PTPRT: variants seen among roughly 807,000 people sequenced by gnomAD.
PTPRT encodes receptor-type tyrosine-protein phosphatase T.
PTPRT carries 56 observed loss-of-function variants against 176.8 expected under a neutral mutation model. That is an observed-to-expected ratio of 0.32 (90% CI 0.26 to 0.40). The LOEUF is 0.40. PTPRT is among the 10% of genes least tolerant of loss of function. The probability of loss-of-function intolerance (pLI) is 1.00; values close to 1 mark genes in which losing one functional copy is unlikely to be tolerated. For synonymous variants in PTPRT, 783 were observed against 739.0 expected (o/e 1.06, Z -0.96); for missense variants, 1,540 against 1,908.2 (o/e 0.81, Z 3.60).
intron 1 of PTPRT, among the ~76,000 whole-genome samples, chr20:42,903,888 C>A (rs1397143478): frequency 1.3e-5 from 2 of 152,230 alleles, no homozygotes; most frequent in African/African-American, 4.8e-5. Context: ...AAGCCTTCTG[C>A]TCTTCCTCTC....
intron 13 of PTPRT, chr20:42,270,509 AAC>A: frequency 1.3e-6 from 2 of 1,492,644 alleles, no homozygotes; most frequent in East Asian, 2.5e-5. Flanking sequence ...GAGAGAAAGA[AAC>A]ACACATGAAA....
chr20:42,476,143 C>T (rs549786800), intron 7 of PTPRT, among the ~76,000 whole-genome samples: 27 of 152,282 alleles, frequency 1.8e-4, no homozygotes, highest in African/African-American at 6.0e-4. Context: ...AGAAAATTGC[C>T]TTTGGCTAAC....
At chr20:43,027,701 G>A (rs1182984240) in intron 1 of PTPRT, among the ~76,000 whole-genome samples, 2 of 152,122 alleles carry the variant, frequency 1.3e-5, no homozygotes, top group African/African-American at 2.4e-5. Flanking sequence ...CCAGAACTGT[G>A]AGAAAATACA....
chr20:42,561,570 C>A (rs1416525439), intron 7 of PTPRT, among the ~76,000 whole-genome samples: 3 of 152,204 alleles, frequency 2.0e-5, no homozygotes, highest in Non-Finnish European at 4.4e-5. Flanking sequence ...GGCATGGCTT[C>A]TCCAGTTATG....
chr20:43,032,910 A>G (rs1459220470), intron 1 of PTPRT, among the ~76,000 whole-genome samples: 14 of 152,190 alleles, frequency 9.2e-5, no homozygotes, highest in Admixed American at 5.9e-4. Context: ...TGCGATACAG[A>G]ATTGCAGAGG....
At chr20:42,300,069 C>T (rs971306504) in intron 12 of PTPRT, among the ~76,000 whole-genome samples, 2 of 151,118 alleles carry the variant, frequency 1.3e-5, no homozygotes, top group Middle Eastern at 6.8e-3. Flanking sequence ...ACCAGCCTGG[C>T]CAACATGGTG....
intron 7 of PTPRT, among the ~76,000 whole-genome samples, chr20:42,598,849 G>A (rs1300199258): frequency 6.6e-6 from 1 of 152,136 alleles, no homozygotes; most frequent in African/African-American, 2.4e-5. Flanking sequence ...GGGTACTGAT[G>A]GCAGCACCCC....
chr20:43,150,865 A>G (rs2014327778), intron 1 of PTPRT, among the ~76,000 whole-genome samples: 1 of 152,160 alleles, frequency 6.6e-6, no homozygotes, highest in Non-Finnish European at 1.5e-5. Flanking sequence ...GCCTACCTAG[A>G]GATGAAGGCA....
At chr20:42,180,035 T>C (rs1393826030) in intron 16 of PTPRT, among the ~76,000 whole-genome samples, 2 of 152,192 alleles carry the variant, frequency 1.3e-5, no homozygotes, top group African/African-American at 4.8e-5. Flanking sequence ...AGACGTGTTT[T>C]GTCATAAACA....
the PTPRT span, among the ~76,000 whole-genome samples, chr20:42,057,802 C>T: frequency 6.6e-6 from 1 of 152,142 alleles, no homozygotes; most frequent in Non-Finnish European, 1.5e-5. Context: ...TGATCTCAAA[C>T]TCCTGGGCCC....
At chr20:42,562,440 C>A (rs1383650656) in intron 7 of PTPRT, among the ~76,000 whole-genome samples, 1 of 152,158 alleles carries the variant, frequency 6.6e-6, no homozygotes, top group Non-Finnish European at 1.5e-5. Flanking sequence ...GATAGCCAGT[C>A]CCTTTCTGTT....
intron 7 of PTPRT, among the ~76,000 whole-genome samples, chr20:42,588,158 G>GT (rs1279200928): frequency 1.3e-5 from 2 of 152,094 alleles, no homozygotes; most frequent in East Asian, 3.9e-4. Flanking sequence ...AATGTGGCTG[G>GT]TACAGCCGGG....
intron 19 of PTPRT, among the ~76,000 whole-genome samples, chr20:42,127,581 C>T (rs969732457): frequency 3.3e-5 from 5 of 152,182 alleles, no homozygotes; most frequent in African/African-American, 9.7e-5. Flanking sequence ...AACTGCACCA[C>T]CACACTTTAT....
chr20:42,335,790 C>G (rs1265188571), intron 11 of PTPRT, among the ~76,000 whole-genome samples: 1 of 152,110 alleles, frequency 6.6e-6, no homozygotes, highest in African/African-American at 2.4e-5. Context: ...AATAAATAAA[C>G]TGCCTGAAGA....
intron 7 of PTPRT, 56 bp downstream of exon 7, chr20:42,677,810 G>T (rs949625865): frequency 1.3e-6 from 2 of 1,555,728 alleles, no homozygotes; most frequent in African/African-American, 2.8e-5. Flanking sequence ...AGGAAAGCCA[G>T]TCTTGGCAAT....
chr20:42,653,233 C>T (rs554675882), intron 7 of PTPRT, among the ~76,000 whole-genome samples: 7 of 152,154 alleles, frequency 4.6e-5, no homozygotes, highest in Non-Finnish European at 1.0e-4. Flanking sequence ...CTTGCTGCCA[C>T]CATGTGAAGA....
At chr20:42,371,789 C>T (rs2058589840) in intron 9 of PTPRT, among the ~76,000 whole-genome samples, 1 of 152,190 alleles carries the variant, frequency 6.6e-6, no homozygotes, top group Non-Finnish European at 1.5e-5. Context: ...ATTTCAGAAT[C>T]AGTCCTTTCA....
chr20:42,127,263 CCTGCTTGAGGAAAGA>C (rs1332866147), intron 19 of PTPRT, among the ~76,000 whole-genome samples: 3 of 152,138 alleles, frequency 2.0e-5, no homozygotes, highest in Non-Finnish European at 4.4e-5. Flanking sequence ...CTATGGCAGG[CCTGCTTGAGGAAAGA>C]TGGAGCCACA....
Position 42,665,485 on chromosome 20 carries a change from A to T in PTPRT, c.1153+12381T>A, listed in dbSNP as rs1333770562. On this transcript the variant is annotated intron_variant, in intron 7 of 30. Coordinates refer to ENST00000373187, the MANE Select transcript of PTPRT (RefSeq NM_007050.6). The stretch of plus-strand genomic sequence containing the variant: ...TGTGGAGAAATAGGAACACTTTTAC[A>T]CTGTTGGTGGGACTGTAAACTAGTT... Among the ~76,000 whole-genome samples the T allele has an allele frequency of 4.0e-3, 615 of 152,160 alleles. 5 individuals are homozygous for T. In the Middle Eastern group the frequency reaches 0.045, roughly 11 times the overall value.
Sources: allele counts gnomAD v4.1 joint callset (sites outside exome capture counted in the v4.1 genomes callset), GRCh38; gene constraint gnomAD v4.1.1; transcripts MANE v1.5; gene names NCBI Gene and HGNC (gene_info 2026-07-23, HGNC 2026-07-21).